The following DGUOK variants were observed in gnomAD, a reference collection of about 807,000 sequenced individuals.
DGUOK encodes the protein deoxyguanosine kinase, also known as deoxyguanosine kinase, mitochondrial.
In DGUOK, 30 loss-of-function variants were observed where a neutral mutation model predicts 36.6. The ratio of observed to expected loss-of-function variants is 0.82; its 90% confidence interval spans 0.61 to 1.11. The LOEUF is 1.11. Ranked by LOEUF, DGUOK falls within the 50% of genes most tolerant of loss-of-function variation. DGUOK has a pLI of 0.00. For synonymous variants in DGUOK, 145 were observed against 126.3 expected, an observed-to-expected ratio of 1.15 and a Z score of -0.99; for missense variants, 361 against 336.4, an observed-to-expected ratio of 1.07 and a Z score of -0.57.
At chr2:73,945,110 TTCTTAC>T (rs1682198054) in intron 2 of DGUOK, among the ~76,000 whole-genome samples, 1 of 152,274 alleles carries the variant, frequency 6.6e-6, no homozygotes, top group Non-Finnish European at 1.5e-5. Context: ...CAAATTGGAC[TTCTTAC>T]TGTTGTTGAA....
At position 73,947,271 on chromosome 2, in the gene DGUOK, T is replaced by C. The variant is rs149505408; in HGVS notation, c.443+365T>C. The C allele has an allele frequency of 2.9e-4, 74 of 257,662 alleles. 2 individuals are homozygous for C. In the East Asian group the frequency reaches 6.5e-3, roughly 23 times the overall value. 16.0% of individuals were successfully genotyped at this position (257,662 alleles called of 1,614,324 possible). A position where few individuals can be genotyped will look rare whatever the true frequency, so the allele number is the denominator to read the frequency against. The stretch of plus-strand genomic sequence containing the variant: ...GCAGTGTATATTCTAAGAAATCAGA[T>C]GATTCAGTGGTTGATTATCCCCTTT... On this transcript the variant is annotated intron_variant, in intron 3 of 6. Coordinates refer to ENST00000264093, the MANE Select transcript of DGUOK (RefSeq NM_080916.3).
intron 2 of DGUOK, among the ~76,000 whole-genome samples, 175 bp from the exon 3 acceptor site, chr2:73,946,544 T>G (rs2104943116): frequency 6.6e-6 from 1 of 152,348 alleles, no homozygotes; most frequent in East Asian, 1.9e-4. Context: ...ATTATGAAAT[T>G]TTGACTAAGC....
At chr2:73,955,345 C>G (rs965683704) in intron 4 of DGUOK, among the ~76,000 whole-genome samples, 1 of 152,082 alleles carries the variant, frequency 6.6e-6, no homozygotes, top group Non-Finnish European at 1.5e-5. Context: ...CTTAGAAATC[C>G]TAAAGCTACC....
At position 73,958,238 on chromosome 2, in the gene DGUOK, T is replaced by C. The variant is rs769518888; in HGVS notation, c.800T>C (p.Met267Thr). The C allele has an allele frequency of 6.2e-7, 1 of 1,611,082 alleles. No individual in the cohort carries two copies. The highest frequency in any genetic ancestry group is 8.5e-7 in the Non-Finnish European group (1 of 1,177,354). Reference sequence around the variant, plus strand: ...GAAGTAACCAAACAAGAAGACCTCATGAGAGAGGTGGGAAGGACTTTAACT... The same window carrying C: ...GAAGTAACCAAACAAGAAGACCTCACGAGAGAGGTGGGAAGGACTTTAACT... ...SEEVTKQEDL[M>T]REVNTFVKNL The change falls in exon 6 of 7, where the codon ATG becomes ACG. Residue 267 changes from methionine (M) to threonine (T), a missense_variant. Coordinates refer to ENST00000264093, the MANE Select transcript of DGUOK (RefSeq NM_080916.3).
intron 4 of DGUOK, among the ~76,000 whole-genome samples, chr2:73,951,383 C>A (rs1682692554): frequency 1.3e-5 from 2 of 152,018 alleles, no homozygotes; most frequent in Non-Finnish European, 2.9e-5. Flanking sequence ...GAGATCCTTG[C>A]CTGTAAAATC....
chr2:73,951,561 C>T (rs1437252363), intron 4 of DGUOK, among the ~76,000 whole-genome samples: 2 of 152,078 alleles, frequency 1.3e-5, no homozygotes, highest in Non-Finnish European at 2.9e-5. Context: ...GGAAAGCTGT[C>T]TCCAAGCTAG....
chr2:73,956,979 G>GGACGTAT, intron 4 of DGUOK, 146 bp from the exon 5 acceptor site: 1 of 504,082 alleles, frequency 2.0e-6, no homozygotes, highest in Non-Finnish European at 3.7e-6. Flanking sequence ...TCCTCTGATT[G>GGACGTAT]CATAAGAAAA....
chr2:73,946,638 AG>A lies in DGUOK; in HGVS notation c.256-77del, dbSNP rs1343806235. ...GATTATTAAACCTGTTTGGGGAGGT[AG>A]GGGTGTGTGTGGAGGGGTGTACCCC... is the stretch of plus-strand genomic sequence containing the variant. On this transcript the variant is annotated intron_variant, in intron 2 of 6. Coordinates refer to ENST00000264093, the MANE Select transcript of DGUOK (RefSeq NM_080916.3). 3 of 1,234,564 alleles carry A rather than the reference AG, an allele frequency of 2.4e-6. No homozygotes were observed. The African/African-American group carries it at 4.4e-5, about 18-fold the overall frequency. 76.5% of individuals were successfully genotyped at this position (1,234,564 alleles called of 1,614,324 possible).
In DGUOK at chr2:73,950,232, A is replaced by G. The variant is rs79216512; in HGVS notation, c.444-353A>G. ...ATAATAAGGAAATCTCAAAAGTTCA[A>G]GTTTACATATATTTGCTGTATGTTC... On this transcript the variant is annotated intron_variant, in intron 3 of 6. Coordinates refer to ENST00000264093, the MANE Select transcript of DGUOK (RefSeq NM_080916.3). 0.056 allele frequency among the ~76,000 whole-genome samples: 8,523 copies of G among 152,240 alleles called. 678 individuals carry two copies. Among genetic ancestry groups the G allele is most frequent in the African/African-American group, 0.18 (7,305 of 41,500 alleles).
chr2:73,936,632 T>C (rs1681486354), intron 1 of DGUOK, among the ~76,000 whole-genome samples: 1 of 152,218 alleles, frequency 6.6e-6, no homozygotes, highest in Non-Finnish European at 1.5e-5. Flanking sequence ...TTGAGAAAGA[T>C]TACTTCTGAT....
At chr2:73,944,848 C>T (rs1455267704) in intron 2 of DGUOK, among the ~76,000 whole-genome samples, 4 of 152,176 alleles carry the variant, frequency 2.6e-5, no homozygotes, top group South Asian at 2.1e-4. Context: ...GGGCTGCTCC[C>T]AACCATCTCT....
chr2:73,958,267 G>A, intron 6 of DGUOK, 22 bp downstream of exon 6: 1 of 1,568,982 alleles, frequency 6.4e-7, no homozygotes, highest in Non-Finnish European at 8.8e-7. Flanking sequence ...TTTAACTCCT[G>A]TTTTCTGGTG....
chr2:73,932,361 A>G (rs967581089), intron 1 of DGUOK, among the ~76,000 whole-genome samples: 1 of 152,066 alleles, frequency 6.6e-6, no homozygotes, highest in Non-Finnish European at 1.5e-5. Flanking sequence ...GCAGCACTTG[A>G]GTTCTGCTGA....
chr2:73,953,183 C>T (rs1290164530), intron 4 of DGUOK, among the ~76,000 whole-genome samples: 1 of 151,978 alleles, frequency 6.6e-6, no homozygotes, highest in South Asian at 2.1e-4. Flanking sequence ...AAGGCCCCAC[C>T]TCTCAGCACT....
chr2:73,949,539 G>A (rs1371661610), intron 3 of DGUOK, among the ~76,000 whole-genome samples: 1 of 152,152 alleles, frequency 6.6e-6, no homozygotes, highest in Non-Finnish European at 1.5e-5. Context: ...GAGGATTTAG[G>A]TGACTTGCCT....
intron 1 of DGUOK, among the ~76,000 whole-genome samples, chr2:73,938,574 G>C (rs1681654618): frequency 6.6e-6 from 1 of 152,148 alleles, no homozygotes; most frequent in African/African-American, 2.4e-5. Flanking sequence ...AAATAGAATG[G>C]TGACTCAAGT....
chr2:73,938,008 A>G (rs1316092588), intron 1 of DGUOK, among the ~76,000 whole-genome samples: 2 of 152,232 alleles, frequency 1.3e-5, no homozygotes, highest in South Asian at 2.1e-4. Flanking sequence ...CTAACTTCCC[A>G]TTGCCCTTAG....
intron 3 of DGUOK, among the ~76,000 whole-genome samples, chr2:73,950,157 G>A (rs1202694548): frequency 1.4e-5 from 2 of 140,350 alleles, no homozygotes; most frequent in Non-Finnish European, 3.2e-5. Context: ...TTTAGTGGGT[G>A]GATTTATACT....
rs1352595964 is a variant in DGUOK at position 73,926,896 on chromosome 2, T to G, written c.-15T>G. 1 of 1,613,314 alleles carries G rather than the reference T, an allele frequency of 6.2e-7. No homozygotes were observed. Among genetic ancestry groups the G allele is most frequent in the Admixed American group, 1.7e-5 (1 of 60,028 alleles). ...GCTCTCGGCGGAAGTGATCGCTGTG[T>G]GAATCGTGGGTGGGATGGCCGCGGG... On this transcript the variant is annotated 5_prime_UTR_variant, in exon 1 of 7. Coordinates refer to ENST00000264093, the MANE Select transcript of DGUOK (RefSeq NM_080916.3).
Sources: gnomAD v4.1 joint callset for allele counts (sites outside exome capture counted in the v4.1 genomes callset) on GRCh38, gnomAD v4.1.1 for gene constraint, MANE v1.5 for transcripts, NCBI Gene and HGNC (gene_info 2026-07-23, HGNC 2026-07-21) for gene names.